The following SLC2A11 variants were observed in gnomAD, a reference collection of about 807,000 sequenced individuals.
SLC2A11 encodes the protein solute carrier family 2, facilitated glucose transporter member 11.
Under a neutral mutation model 52.1 loss-of-function variants are expected in SLC2A11, and 43 were observed. The observed-to-expected ratio is 0.82, with a 90% CI of 0.65 to 1.06. The LOEUF is 1.06. Among genes scored for constraint, SLC2A11 ranks in the 50% least tolerant of loss-of-function variants. SLC2A11 has a pLI of 0.00. For missense variants in SLC2A11, 582 were observed against 654.2 expected (o/e 0.89, Z 1.20); for synonymous variants, 261 against 277.6 (o/e 0.94, Z 0.59).
At chr22:23,862,370 C>A in intron 2 of SLC2A11, 168 bp downstream of exon 2, 1 of 611,508 alleles carries the variant, frequency 1.6e-6, no homozygotes, top group Non-Finnish European at 2.9e-6. Context: ...GAGCATACAT[C>A]TTCCCCAAAC....
upstream of SLC2A11, chr22:23,857,079 G>C: frequency 8.0e-7 from 1 of 1,248,948 alleles, no homozygotes; most frequent in Non-Finnish European, 1.1e-6. Flanking sequence ...TGTGTGGGGG[G>C]GGGGGGGTGT....
rs773023741 is a variant in SLC2A11, at chr22:23,884,871, C to T, written c.*22C>T. Reference sequence around the variant, plus strand: ...CTAGTCCCAAAGGGGTGGCCAGAGCCAAAGCCAGCTACTGTCCTGTCCTCT... The same window carrying T: ...CTAGTCCCAAAGGGGTGGCCAGAGCTAAAGCCAGCTACTGTCCTGTCCTCT... On this transcript the variant is annotated 3_prime_UTR_variant, in exon 12 of 12. Coordinates refer to ENST00000316185, the MANE Select transcript of SLC2A11 (RefSeq NM_001024939.4). This position sits in a 1 kb window ranked among gnomAD's most constrained non-coding sequence, Gnocchi z 4.3. 1 of 1,607,506 alleles carries T rather than the reference C, an allele frequency of 6.2e-7. No homozygotes were observed. Among genetic ancestry groups the T allele is most frequent in the Non-Finnish European group, 8.5e-7 (1 of 1,174,622 alleles).
intron 2 of SLC2A11, among the ~76,000 whole-genome samples, chr22:23,862,625 A>ATT: frequency 6.9e-6 from 1 of 144,994 alleles, no homozygotes. Flanking sequence ...CTGCTCAGAA[A>ATT]TTTTTTTTTT....
chr22:23,882,749 C>T lies in SLC2A11; in HGVS notation c.883-10C>T. ...AAGGGAGCCCAGGCCTGAAAGCCACCCTCTCCCAGGTGTACGCCTACGCCT... is the reference window on the plus strand; with the variant it reads ...AAGGGAGCCCAGGCCTGAAAGCCACTCTCTCCCAGGTGTACGCCTACGCCT... On this transcript the variant is annotated splice_polypyrimidine_tract_variant and intron_variant, in intron 7 of 11. Coordinates refer to ENST00000316185, the MANE Select transcript of SLC2A11 (RefSeq NM_001024939.4). 6.2e-7 allele frequency: 1 copy of T among 1,610,010 alleles called. No homozygotes were observed. Among genetic ancestry groups the T allele is most frequent in the Non-Finnish European group, 8.5e-7 (1 of 1,178,080 alleles).
At chr22:23,857,292 G>A, upstream of SLC2A11, 1 of 872,458 alleles carries the variant, frequency 1.1e-6, no homozygotes, top group Non-Finnish European at 1.8e-6. Context: ...GGGGACGAGG[G>A]GCCAGAGCCG....
chr22:23,880,811 C>T (rs993479094), intron 6 of SLC2A11: 2 of 152,022 alleles, frequency 1.3e-5, no homozygotes, highest in Non-Finnish European at 2.9e-5. Context: ...TGCAAACTGG[C>T]CAGTTATTTT....
chr22:23,879,244 T>C (rs2032724064), intron 6 of SLC2A11, among the ~76,000 whole-genome samples: 1 of 152,144 alleles, frequency 6.6e-6, no homozygotes, highest in Non-Finnish European at 1.5e-5. Flanking sequence ...ACGGAAGTTT[T>C]CTTCTTTTTT....
chr22:23,864,686 C>T (rs1050781100), intron 2 of SLC2A11, among the ~76,000 whole-genome samples: 2 of 152,180 alleles, frequency 1.3e-5, no homozygotes, highest in African/African-American at 4.8e-5. Flanking sequence ...GGGGTCCATC[C>T]CAGGCCGGGC....
chr22:23,860,956 C>T (rs2032035986), intron 1 of SLC2A11, among the ~76,000 whole-genome samples: 2 of 151,922 alleles, frequency 1.3e-5, no homozygotes, highest in African/African-American at 4.8e-5. Flanking sequence ...CACCATTCTC[C>T]TGCCTCAGCC....
At chr22:23,867,233 T>C (rs2146115006) in intron 2 of SLC2A11, 1 of 152,918 alleles carries the variant, frequency 6.5e-6, no homozygotes, top group Middle Eastern at 3.4e-3. Flanking sequence ...TTTGCTCTTG[T>C]CACTGGAGTG....
In SLC2A11 at chr22:23,877,080, A is replaced by T. The variant is rs2032636688; in HGVS notation, c.454A>T (p.Ser152Cys). The T allele has an allele frequency of 5.0e-6, 8 of 1,613,710 alleles. No homozygotes were observed. The highest frequency in any genetic ancestry group is 6.8e-6 in the Non-Finnish European group (8 of 1,179,946). Residue 152 changes from serine (S) to cysteine (C), a missense_variant, in exon 5 of 12, where the codon AGC (serine) becomes TGC (cysteine). By Grantham distance (112) the Ser-to-Cys change is moderately radical. Transcript: ENST00000316185. ...MNIQPMYLGE[S>C]APKELRGAVA... ...CATCCAGCCCATGTACCTGGGGGAG[A>T]GCGCCCCTAAGGAGCTCCGAGGAGC...
At chr22:23,857,077 G>GTT, upstream of SLC2A11, 1 of 1,156,390 alleles carries the variant, frequency 8.6e-7, no homozygotes, top group Non-Finnish European at 1.2e-6. Flanking sequence ...TGTGTGTGGG[G>GTT]GGGGGGGGGT....
rs372923491 is a variant in SLC2A11 at position 23,882,251 on chromosome 22, AAC to A, written c.695-194_695-193del. The A allele has an allele frequency of 3.6e-3, 1,889 of 524,756 alleles. 1 individual carries two copies. Among genetic ancestry groups the A allele is most frequent in the South Asian group, 7.1e-3 (290 of 41,106 alleles). The allele number at this position is 524,756 out of a possible 1,614,324, so 32.5% of individuals were successfully genotyped here. On this transcript the variant is annotated intron_variant, in intron 6 of 11. Coordinates refer to ENST00000316185, the MANE Select transcript of SLC2A11 (RefSeq NM_001024939.4). ...AGAGAGATTGAGAGGCAGAGAGAGA[AAC>A]ACACACACACACAGAGACACACACA...
intron 1 of SLC2A11, among the ~76,000 whole-genome samples, chr22:23,858,876 A>G (rs918474449): frequency 2.0e-5 from 3 of 152,136 alleles, no homozygotes; most frequent in African/African-American, 7.2e-5. Context: ...CAGCTCATGG[A>G]TTTTGTCTGT....
intron 2 of SLC2A11, among the ~76,000 whole-genome samples, chr22:23,862,866 G>A (rs1164309066): frequency 1.3e-5 from 2 of 151,936 alleles, no homozygotes; most frequent in East Asian, 1.9e-4. Context: ...CATGTGATCC[G>A]CCTGCCTCAG....
intron 5 of SLC2A11, 143 bp downstream of exon 5, chr22:23,877,314 T>G: frequency 6.5e-6 from 9 of 1,386,612 alleles, no homozygotes; most frequent in Non-Finnish European, 9.1e-6. Flanking sequence ...TCCACATCTC[T>G]GCTGCCAATT....
At chr22:23,868,710 T>C (rs947459211) in intron 3 of SLC2A11, 69 bp downstream of exon 3, 10 of 1,576,442 alleles carry the variant, frequency 6.3e-6, no homozygotes, top group African/African-American at 2.7e-5. Context: ...GGCTGAGGAA[T>C]GTGGAAGAAG....
rs376854640 is a variant in SLC2A11 at position 23,882,317 on chromosome 22, GACACAC to G, written c.695-132_695-127del. On this transcript the variant is annotated intron_variant, in intron 6 of 11. Coordinates refer to ENST00000316185, the MANE Select transcript of SLC2A11 (RefSeq NM_001024939.4). ...TGAGAGAGACAGAGGCAGAGAGAGAGACACACACACACACAGACAGACTCAGAGACA... is the reference window on the plus strand; with the variant it reads ...TGAGAGAGACAGAGGCAGAGAGAGAGACACACACAGACAGACTCAGAGACA... The G allele has an allele frequency of 1.9e-3, 1,315 of 683,402 alleles. 11 individuals are homozygous for G. The highest frequency in any genetic ancestry group is 0.01 in the Middle Eastern group (24 of 2,388). 42.3% of individuals were successfully genotyped at this position (683,402 alleles called of 1,614,324 possible). A position where few individuals can be genotyped will look rare whatever the true frequency, so the allele number is the denominator to read the frequency against.
rs1371832799 is a variant in SLC2A11, at chr22:23,885,089, A to C, written c.*240A>C. ...AATTACAGGCTGGTTGTGGCAGCTC[A>C]TGACTGTAATCCCAGCACTTTGGGA... On this transcript the variant is annotated 3_prime_UTR_variant, in exon 12 of 12. Transcript: ENST00000316185. The C allele has an allele frequency of 1.8e-6, 1 of 560,212 alleles. No homozygotes were observed. Among genetic ancestry groups the C allele is most frequent in the Non-Finnish European group, 3.1e-6 (1 of 318,012 alleles). 34.7% of individuals were successfully genotyped at this position (560,212 alleles called of 1,614,324 possible).
Sources: allele counts gnomAD v4.1 joint callset (sites outside exome capture counted in the v4.1 genomes callset), GRCh38; gene constraint gnomAD v4.1.1; non-coding constraint Gnocchi (gnomAD v3.1); transcripts MANE v1.5; gene names NCBI Gene and HGNC (gene_info 2026-07-23, HGNC 2026-07-21).